The following RBFOX1 variants were observed in gnomAD, a reference collection of about 807,000 sequenced individuals.
RBFOX1 encodes RNA binding protein fox-1 homolog 1.
In RBFOX1, 8 loss-of-function variants were observed where a neutral mutation model predicts 57.7. The ratio of observed to expected loss-of-function variants is 0.14; its 90% confidence interval spans 0.08 to 0.25. The LOEUF (loss-of-function observed/expected upper bound fraction) is 0.25, where lower values mean the gene tolerates loss of function less well. Among genes scored for constraint, RBFOX1 ranks in the 10% least tolerant of loss-of-function variants. The pLI is 1.00. For synonymous variants in RBFOX1, 326 were observed against 222.4 expected (o/e 1.47, Z -4.15); for missense variants, 611 against 548.5 (o/e 1.11, Z -1.14).
At chr16:5,833,279 G>A (rs1180443809) in intron 3 of RBFOX1, among the ~76,000 whole-genome samples, 2 of 152,040 alleles carry the variant, frequency 1.3e-5, no homozygotes, top group African/African-American at 4.8e-5. Flanking sequence ...GGATCATGAG[G>A]TCAGGAGATC....
chr16:7,067,593 G>C (rs1224625628), intron 4 of RBFOX1, among the ~76,000 whole-genome samples: 3 of 151,820 alleles, frequency 2.0e-5, no homozygotes, highest in African/African-American at 7.2e-5. Context: ...GTTTAGGTTA[G>C]TTACGTATGT....
At chr16:6,672,541 G>C (rs980770015) in intron 3 of RBFOX1, among the ~76,000 whole-genome samples, 4 of 150,166 alleles carry the variant, frequency 2.7e-5, no homozygotes, top group African/African-American at 7.6e-5. Flanking sequence ...GAAAGAACAG[G>C]AGAAAGAAAA....
intron 4 of RBFOX1, among the ~76,000 whole-genome samples, chr16:7,493,576 T>TAGAGTCAGAGTC (rs79039774): frequency 1.5e-4 from 23 of 151,780 alleles, no homozygotes; most frequent in African/African-American, 5.6e-4. Flanking sequence ...CACAGAGGTG[T>TAGAGTCAGAGTC]AGAGTCAGAG....
At chr16:5,974,900 C>G (rs534073755) in intron 4 of RBFOX1, among the ~76,000 whole-genome samples, 2 of 152,184 alleles carry the variant, frequency 1.3e-5, no homozygotes, top group South Asian at 4.2e-4. Context: ...CCTGGCTACT[C>G]AGGAGGCTGA....
rs193227518 is a variant in RBFOX1 at position 5,976,962 on chromosome 16, C to T, written c.351+109627C>T. On this transcript the variant is annotated intron_variant, in intron 4 of 19. Coordinates refer to the RBFOX1 transcript ENST00000641259. ...AGGTTCCTCTCTGCTTCCTCCTGCA[C>T]GTGCACTTCTCAAAGTCTGATCTTT... Among the ~76,000 whole-genome samples, 9 of 152,292 alleles carry T rather than the reference C, an allele frequency of 5.9e-5. No individual in the cohort carries two copies. The East Asian group carries it at 1.2e-3, about 20-fold the overall frequency.
At chr16:6,859,155 A>ATATATG (rs760222368) in intron 3 of RBFOX1, among the ~76,000 whole-genome samples, 3 of 60,248 alleles carry the variant, frequency 5.0e-5, no homozygotes, top group African/African-American at 1.8e-4. Context: ...ATATATATGT[A>ATATATG]TATATATACG....
Position 5,475,121 on chromosome 16 carries a change from C to G in RBFOX1, c.258+7867C>G, listed in dbSNP as rs541614701. On this transcript the variant is annotated intron_variant, in intron 2 of 2. Transcript: ENST00000585867. Reference sequence around the variant, plus strand: ...TCGTTTATTCAGCCAGTCTGAGAATCCTAGTCTTTTAATAGAGGAATTTAG... The same window carrying G: ...TCGTTTATTCAGCCAGTCTGAGAATGCTAGTCTTTTAATAGAGGAATTTAG... Among the ~76,000 whole-genome samples the G allele has an allele frequency of 2.6e-5, 4 of 152,294 alleles. No individual in the cohort carries two copies. The East Asian group carries it at 5.8e-4, about 22-fold the overall frequency.
At chr16:6,894,362 A>G (rs975862889) in intron 3 of RBFOX1, among the ~76,000 whole-genome samples, 1 of 152,176 alleles carries the variant, frequency 6.6e-6, no homozygotes, top group Non-Finnish European at 1.5e-5. Flanking sequence ...AGTCAGTCTC[A>G]TGGATGGGTG....
At chr16:7,475,785 T>C (rs955907022) in intron 4 of RBFOX1, among the ~76,000 whole-genome samples, 1 of 152,142 alleles carries the variant, frequency 6.6e-6, no homozygotes, top group Non-Finnish European at 1.5e-5. Flanking sequence ...AGTATTAGGG[T>C]AGCTAACAGA....
intron 13 of RBFOX1, among the ~76,000 whole-genome samples, chr16:7,668,125 G>A (rs751763798): frequency 6.6e-5 from 10 of 152,170 alleles, no homozygotes; most frequent in Non-Finnish European, 1.0e-4. Flanking sequence ...TCAACAGCTT[G>A]CATCTCAGAA....
chr16:6,508,816 A>G (rs1372650729), intron 2 of RBFOX1, among the ~76,000 whole-genome samples: 1 of 152,152 alleles, frequency 6.6e-6, no homozygotes, highest in Non-Finnish European at 1.5e-5. Flanking sequence ...GGTTGATACA[A>G]AAGTAATCAC....
chr16:7,439,168 G>A (rs1021624894), intron 4 of RBFOX1, among the ~76,000 whole-genome samples: 2 of 152,262 alleles, frequency 1.3e-5, no homozygotes, highest in Admixed American at 6.5e-5. Flanking sequence ...GCAGGCCTTC[G>A]CGCTGTGTCG....
At chr16:7,618,021 A>T (rs1390006892) in intron 10 of RBFOX1, among the ~76,000 whole-genome samples, 1 of 151,772 alleles carries the variant, frequency 6.6e-6, no homozygotes, top group Admixed American at 6.6e-5. Flanking sequence ...AAAAAAATAC[A>T]CATGCTTGAT....
chr16:5,270,102 C>G, intron 1 of RBFOX1: 1 of 242,560 alleles, frequency 4.1e-6, no homozygotes, highest in South Asian at 5.6e-5. Flanking sequence ...CAAGACCAGC[C>G]TGGCCAAAAT....
intron 2 of RBFOX1, among the ~76,000 whole-genome samples, chr16:6,449,305 C>T (rs948490597): frequency 2.0e-5 from 3 of 152,206 alleles, no homozygotes; most frequent in African/African-American, 7.2e-5. Flanking sequence ...CATGTCTACC[C>T]TTACTGCCTT....
chr16:7,195,163 T>C (rs984976519), intron 4 of RBFOX1, among the ~76,000 whole-genome samples: 5 of 152,212 alleles, frequency 3.3e-5, no homozygotes, highest in African/African-American at 1.2e-4. Flanking sequence ...GCATTTCTTG[T>C]TGGACCAGCC....
rs1410322689 is a variant in RBFOX1 at position 5,311,474 on chromosome 16, A to G, written c.219+71369A>G. Among the ~76,000 whole-genome samples, 3 of 152,172 alleles carry G rather than the reference A, an allele frequency of 2.0e-5. No homozygotes were observed. In the East Asian group the frequency reaches 5.8e-4, roughly 29 times the overall value. On this transcript the variant is annotated intron_variant, in intron 1 of 2. Transcript: ENST00000585867. ...ACATTTAGTTCTTTAAGATATCTCC[A>G]TACTGTTTTCCATAAAGGTTGTAGT... is the stretch of plus-strand genomic sequence containing the variant.
chr16:7,481,213 A>G (rs530756616), intron 4 of RBFOX1, among the ~76,000 whole-genome samples: 4 of 152,324 alleles, frequency 2.6e-5, no homozygotes, highest in Admixed American at 6.5e-5. Flanking sequence ...GTAAGGACTC[A>G]GAAGTACTTG....
chr16:5,598,181 C>T (rs890139145), intron 2 of RBFOX1, among the ~76,000 whole-genome samples: 1 of 151,540 alleles, frequency 6.6e-6, no homozygotes, highest in East Asian at 1.9e-4. Flanking sequence ...GCCTATAGTC[C>T]CAGCAACTTG....
Sources: gnomAD v4.1 joint callset for allele counts (sites outside exome capture counted in the v4.1 genomes callset) on GRCh38, gnomAD v4.1.1 for gene constraint, MANE v1.5 for transcripts, NCBI Gene and HGNC (gene_info 2026-07-23, HGNC 2026-07-21) for gene names.